QTRT2: variants seen among roughly 807,000 people sequenced by gnomAD.
The protein encoded by QTRT2 is queuine tRNA-ribosyltransferase accessory subunit 2, also known as queuine tRNA-ribosyltransferase domain containing 1.
Under a neutral mutation model 44.8 loss-of-function variants are expected in QTRT2, and 32 were observed. The observed-to-expected ratio is 0.71, with a 90% confidence interval of 0.54 to 0.96. QTRT2 has a LOEUF of 0.96. Among genes scored for constraint, QTRT2 ranks in the 40% least tolerant of loss-of-function variants. The probability of loss-of-function intolerance (pLI) is 0.00; values close to 1 mark genes in which losing one functional copy is unlikely to be tolerated. For synonymous variants in QTRT2, 182 were observed against 187.4 expected, an observed-to-expected ratio of 0.97 and a Z score of 0.24; for missense variants, 461 against 503.1, an observed-to-expected ratio of 0.92 and a Z score of 0.80.
intron 2 of QTRT2, among the ~76,000 whole-genome samples, chr3:114,063,983 G>T (rs1405194476): frequency 6.6e-6 from 1 of 152,158 alleles, no homozygotes; most frequent in Non-Finnish European, 1.5e-5. Flanking sequence ...GGGAGGCTGA[G>T]GTGGGCGGAT....
rs1221245899 is a variant in QTRT2 at position 114,057,128 on chromosome 3, T to TA, written c.-22+23dup. ...AAAGGTAGAGTTTTCAGGAAGTTTT[T>TA]ATTCCGAACTGCCCATGGGAGGGTG... On this transcript the variant is annotated intron_variant, in intron 2 of 9. Coordinates refer to ENST00000281273, the MANE Select transcript of QTRT2 (RefSeq NM_024638.4). 5.6e-6 allele frequency: 7 copies of TA among 1,252,598 alleles called. No individual in the cohort carries two copies. The African/African-American group carries it at 1.1e-4, about 19-fold the overall frequency. 77.6% of individuals were successfully genotyped at this position (1,252,598 alleles called of 1,614,324 possible). A position where few individuals can be genotyped will look rare whatever the true frequency, so the allele number is the denominator to read the frequency against.
intron 6 of QTRT2, among the ~76,000 whole-genome samples, chr3:114,075,081 A>G (rs528097852): frequency 7.9e-4 from 121 of 152,378 alleles, no homozygotes; most frequent in African/African-American, 2.7e-3. Context: ...ATCCATAGAT[A>G]AAAGCTGGAC....
chr3:114,056,761 T>G lies in QTRT2; in HGVS notation c.-233T>G. On this transcript the variant is annotated 5_prime_UTR_variant, in exon 1 of 10. Transcript: ENST00000281273. ...CAGTACTCCCTGATTGGCTCTGCAC[T>G]GGAGGCAGTGATTTTGGGGCAGAGA... The G allele has an allele frequency of 6.8e-7, 1 of 1,470,520 alleles. No individual in the cohort carries two copies. Among genetic ancestry groups the G allele is most frequent in the Admixed American group, 2.1e-5 (1 of 48,508 alleles). 91.1% of individuals were successfully genotyped at this position (1,470,520 alleles called of 1,614,324 possible).
rs770138541 is a variant in QTRT2 at position 114,065,433 on chromosome 3, T to C, written c.176T>C (p.Met59Thr). The change falls in exon 3 of 10, where the codon ATG becomes ACG. Residue 59 changes from methionine to threonine, a missense_variant. Transcript: ENST00000281273. ...TLHNIHGVPA[M>T]AQLTLSSLAE... Reference sequence around the variant, plus strand: ...CATAATATCCACGGGGTTCCTGCCATGGCTCAGCTTACGCTGTCATCCCTG... The same window carrying C: ...CATAATATCCACGGGGTTCCTGCCACGGCTCAGCTTACGCTGTCATCCCTG... The C allele has an allele frequency of 1.2e-6, 2 of 1,613,832 alleles. No homozygotes were observed. Among genetic ancestry groups the C allele is most frequent in the African/African-American group, 2.7e-5 (2 of 74,950 alleles).
chr3:114,075,433 A>T (rs1340430166), intron 6 of QTRT2, among the ~76,000 whole-genome samples: 1 of 151,756 alleles, frequency 6.6e-6, no homozygotes, highest in Non-Finnish European at 1.5e-5. Flanking sequence ...GTAGATATTT[A>T]AATATTCCTC....
Position 114,076,960 on chromosome 3 carries a change from A to T in QTRT2, c.746+18A>T. On this transcript the variant is annotated intron_variant, in intron 7 of 9. Transcript: ENST00000281273. ...AAGCCAAGGCCAGTGTTCGGTTAGG[A>T]CACAGGCTGGCCTCAAGGGATGCAG... The T allele has an allele frequency of 6.2e-7, 1 of 1,612,468 alleles. No homozygotes were observed. The highest frequency in any genetic ancestry group is 8.5e-7 in the Non-Finnish European group (1 of 1,178,874).
intron 9 of QTRT2, among the ~76,000 whole-genome samples, chr3:114,083,197 T>G (rs1037162854): frequency 6.6e-6 from 1 of 152,208 alleles, no homozygotes; most frequent in African/African-American, 2.4e-5. Flanking sequence ...AAGAACAAAT[T>G]AAGATACAGA....
chr3:114,078,119 A>G (rs1440921479), intron 7 of QTRT2: 1 of 152,204 alleles, frequency 6.6e-6, no homozygotes, highest in Non-Finnish European at 1.5e-5. Context: ...AGGTATTTCC[A>G]TCACCTTAGC....
At chr3:114,060,870 G>T (rs1370261406) in intron 2 of QTRT2, among the ~76,000 whole-genome samples, 1 of 152,184 alleles carries the variant, frequency 6.6e-6, no homozygotes, top group Non-Finnish European at 1.5e-5. Context: ...TACAGTGACG[G>T]TTGATCTGAT....
chr3:114,072,833 G>T (rs1411699520), intron 6 of QTRT2, among the ~76,000 whole-genome samples: 6 of 152,200 alleles, frequency 3.9e-5, no homozygotes, highest in African/African-American at 1.4e-4. Context: ...TGAAGCTGTA[G>T]TGGTAAATCA....
intron 2 of QTRT2, among the ~76,000 whole-genome samples, chr3:114,064,297 G>A (rs12107114): frequency 0.047 from 7,206 of 152,172 alleles, 544 homozygotes; most frequent in African/African-American, 0.17. Flanking sequence ...ACTGGGCCTG[G>A]CCCAGTTTTT....
chr3:114,063,621 T>C (rs925071479), intron 2 of QTRT2, among the ~76,000 whole-genome samples: 11 of 152,128 alleles, frequency 7.2e-5, no homozygotes, highest in African/African-American at 2.4e-4. Context: ...TTATAGAAAA[T>C]TGACCAGGCT....
chr3:114,085,566 A>C (rs1251008998), intron 9 of QTRT2, 107 bp from the exon 10 acceptor site: 1 of 914,906 alleles, frequency 1.1e-6, no homozygotes, highest in Non-Finnish European at 1.8e-6. Context: ...AACATTTGCC[A>C]GTGATGTTAT....
chr3:114,066,573 C>T, intron 4 of QTRT2: 1 of 355,430 alleles, frequency 2.8e-6, no homozygotes, highest in Non-Finnish European at 5.3e-6. Context: ...GGCCAGAGGG[C>T]AGAGCATATA....
At position 114,070,269 on chromosome 3, in the gene QTRT2, T is replaced by TA. The variant is rs1327002881; in HGVS notation, c.334-349dup. On this transcript the variant is annotated intron_variant, in intron 5 of 9. Coordinates refer to ENST00000281273, the MANE Select transcript of QTRT2 (RefSeq NM_024638.4). Reference sequence around the variant, plus strand: ...ATAACATTATACAAATATGTATCAATAAAAAAAAGAAAAAGAAATACGGAA... The same window carrying TA: ...ATAACATTATACAAATATGTATCAATAAAAAAAAAGAAAAAGAAATACGGAA... Among the ~76,000 whole-genome samples the TA allele has an allele frequency of 2.0e-5, 3 of 151,288 alleles. No homozygotes were observed. In the East Asian group the frequency reaches 5.8e-4, roughly 29 times the overall value.
intron 5 of QTRT2, 64 bp downstream of exon 5, chr3:114,068,127 C>G: frequency 7.9e-7 from 1 of 1,266,520 alleles, no homozygotes; most frequent in Non-Finnish European, 1.2e-6. Context: ...TATGGTGTAT[C>G]CCTCAGATGC....
intron 4 of QTRT2, 54 bp from the exon 5 acceptor site, chr3:114,067,933 C>T (rs2076975289): frequency 5.4e-6 from 8 of 1,487,372 alleles, no homozygotes; most frequent in Non-Finnish European, 7.5e-6. Flanking sequence ...TGCTATAATA[C>T]AGTGTCATTG....
intron 1 of QTRT2, 28 bp from the exon 2 acceptor site, chr3:114,056,971 G>T (rs751964581): frequency 7.6e-5 from 112 of 1,470,442 alleles, no homozygotes; most frequent in Non-Finnish European, 9.9e-5. Context: ...TTGTACTCCC[G>T]CCATGTCTCC....
Position 114,085,668 on chromosome 3 carries a change from C to G in QTRT2, c.1017-5C>G. 1 of 1,611,626 alleles carries G rather than the reference C, an allele frequency of 6.2e-7. No homozygotes were observed. On this transcript the variant is annotated splice_polypyrimidine_tract_variant and splice_region_variant and intron_variant, in intron 9 of 9. Transcript: ENST00000281273. The stretch of plus-strand genomic sequence containing the variant: ...TCTGGAATGTCACTGTGACTTCTTT[C>G]TTAGGTACCAGGAGGACTTTAACCC...
Sources: allele counts gnomAD v4.1 joint callset (sites outside exome capture counted in the v4.1 genomes callset), GRCh38; gene constraint gnomAD v4.1.1; transcripts MANE v1.5; gene names NCBI Gene and HGNC (gene_info 2026-07-23, HGNC 2026-07-21).